Variants in HEXIM1 observed in about 807,000 individuals in gnomAD.
HEXIM1 encodes the protein HEXIM P-TEFb complex subunit 1, also known as protein HEXIM1.
A neutral mutation model predicts 30.3 loss-of-function variants in HEXIM1; 1 was observed. The observed-to-expected ratio is 0.03, with a 90% CI of 0.01 to 0.16. The LOEUF is 0.16. Among genes scored for constraint, HEXIM1 ranks in the 10% least tolerant of loss-of-function variants. HEXIM1 has a pLI of 1.00. For missense variants in HEXIM1, 391 were observed against 476.4 expected, an observed-to-expected ratio of 0.82 and a Z score of 1.67; for synonymous variants, 245 against 208.3, an observed-to-expected ratio of 1.18 and a Z score of -1.52.
chr17:45,150,129 G>C lies in HEXIM1; in HGVS notation c.939G>C (p.Lys313Asn), dbSNP rs1328105652. The C allele has an allele frequency of 8.7e-6, 14 of 1,613,584 alleles. No homozygotes were observed. Among genetic ancestry groups the C allele is most frequent in the Non-Finnish European group, 1.2e-5 (14 of 1,180,056 alleles). The change falls in exon 1 of 1, where the codon AAG (lysine) becomes AAC (asparagine). Residue 313 changes from lysine to asparagine, a missense_variant. By Grantham distance (94) the Lys-to-Asn change is moderately conservative. This residue lies in a region of HEXIM1 where 73 missense variants were observed against 80.9 expected (regional missense o/e 0.90). Coordinates refer to ENST00000332499, the MANE Select transcript of HEXIM1 (RefSeq NM_006460.3). ...ACAACCGGCTGCGGCTGGAGAGCAAGCGGCTGGGTGGCGACGACGCGCGTG... is the reference window on the plus strand; with the variant it reads ...ACAACCGGCTGCGGCTGGAGAGCAACCGGCTGGGTGGCGACGACGCGCGTG... ...DENNRLRLES[K>N]RLGGDDARVR...
rs372695634 is a variant in HEXIM1, at chr17:45,149,327, G to T, written c.137G>T (p.Arg46Met). The change falls in exon 1 of 1, where the codon AGG becomes ATG. Residue 46 changes from arginine (R) to methionine (M), a missense_variant. Around this residue, in one of 5 missense-constraint regions of HEXIM1, gnomAD observed 230 missense variants for 199.4 expected, o/e 1.15. Transcript: ENST00000332499. This position sits in a 1 kb window ranked among gnomAD's most constrained non-coding sequence, Gnocchi z 5.3. ...AEERVPEEDS[R>M]WQSRAFPQLG... ...GAGCGGGTGCCCGAGGAGGACAGTA[G>T]GTGGCAATCGAGAGCGTTCCCCCAG... The T allele has an allele frequency of 1.7e-5, 28 of 1,613,500 alleles. No individual in the cohort carries two copies. Among genetic ancestry groups the T allele is most frequent in the Non-Finnish European group, 2.4e-5 (28 of 1,179,978 alleles).
Position 45,149,343 on chromosome 17 carries a change from G to A in HEXIM1, c.153G>A (p.Ala51=), listed in dbSNP as rs771429350. ...PEEDSRWQSR[A]FPQLGGRPGP... is the part of the protein sequence containing the mutation. ...AGGACAGTAGGTGGCAATCGAGAGCGTTCCCCCAGTTGGGTGGCCGTCCGG... is the reference window on the plus strand; with the variant it reads ...AGGACAGTAGGTGGCAATCGAGAGCATTCCCCCAGTTGGGTGGCCGTCCGG... Residue 51 remains alanine, a synonymous_variant, in exon 1 of 1, where the codon GCG becomes GCA. Transcript: ENST00000332499. The surrounding 1 kb of genome is among the most constrained non-coding windows in gnomAD (Gnocchi z 5.3). 7 of 1,613,398 alleles carry A rather than the reference G, an allele frequency of 4.3e-6. No homozygotes were observed. Among genetic ancestry groups the A allele is most frequent in the South Asian group, 2.2e-5 (2 of 91,090 alleles).
Position 45,149,120 on chromosome 17 carries a change from A to C in HEXIM1, c.-71A>C. The C allele has an allele frequency of 7.7e-7, 1 of 1,306,564 alleles. No homozygotes were observed. The highest frequency in any genetic ancestry group is 1.0e-6 in the Non-Finnish European group (1 of 979,322). The allele number at this position is 1,306,564 out of a possible 1,614,324, so 80.9% of individuals were successfully genotyped here. On this transcript the variant is annotated 5_prime_UTR_variant, in exon 1 of 1. Transcript: ENST00000332499. This position sits in a 1 kb window ranked among gnomAD's most constrained non-coding sequence, Gnocchi z 5.3. ...TTTTTTTTTTCTTTTTCTTTTTTTT[A>C]AGAAAAACCCATTTTTTTCCTTAAG...
rs542048484 is a variant in HEXIM1, at chr17:45,150,325, T to G, written c.*55T>G. The G allele has an allele frequency of 6.4e-7, 1 of 1,564,666 alleles. No individual in the cohort carries two copies. The highest frequency in any genetic ancestry group is 1.2e-5 in the South Asian group (1 of 84,498). On this transcript the variant is annotated 3_prime_UTR_variant, in exon 1 of 1. Coordinates refer to ENST00000332499, the MANE Select transcript of HEXIM1 (RefSeq NM_006460.3). The stretch of plus-strand genomic sequence containing the variant: ...GGGGACTTTTTACAGTGATGGAATG[T>G]AACATTATATACATGTGTATATAAG...
rs867189722 is a variant in HEXIM1, at chr17:45,150,882, G to C, written c.*612G>C. On this transcript the variant is annotated 3_prime_UTR_variant, in exon 1 of 1. Coordinates refer to ENST00000332499, the MANE Select transcript of HEXIM1 (RefSeq NM_006460.3). ...ATGTAATTATCTTCAATACTTAAGT[G>C]TGCTTGCTTTCTAGTGCCTTGGTTT... The C allele has an allele frequency of 1.0e-4, 17 of 167,148 alleles. No individual in the cohort carries two copies. Among genetic ancestry groups the C allele is most frequent in the African/African-American group, 4.1e-4 (17 of 41,546 alleles). The allele number at this position is 167,148 out of a possible 1,614,324, so 10.4% of individuals were successfully genotyped here.
At position 45,148,639 on chromosome 17, in the gene HEXIM1, C is replaced by T. The variant is rs2055522093; in HGVS notation, c.-552C>T. 5.0e-6 allele frequency: 2 copies of T among 399,564 alleles called. No individual in the cohort carries two copies. The allele number at this position is 399,564 out of a possible 1,614,324, so 24.8% of individuals were successfully genotyped here. A position where few individuals can be genotyped will look rare whatever the true frequency, so the allele number is the denominator to read the frequency against. ...CGAGCCAAAGGGGAGATGAGTTTGT[C>T]TGTCCTCTGCTGAGGCTACGGCCGG... On this transcript the variant is annotated 5_prime_UTR_variant, in exon 1 of 1. Coordinates refer to ENST00000332499, the MANE Select transcript of HEXIM1 (RefSeq NM_006460.3).
Position 45,148,523 on chromosome 17 carries a change from G to T in HEXIM1, c.-668G>T, listed in dbSNP as rs752043804. On this transcript the variant is annotated 5_prime_UTR_variant, in exon 1 of 1. Transcript: ENST00000332499. ...AGAGGCAGGTTGGGAGGGAAAGTCG[G>T]GGGAGGACGCGGAAGAGGAGCTGTG... 4.0e-5 allele frequency: 16 copies of T among 399,894 alleles called. No homozygotes were observed. Among genetic ancestry groups the T allele is most frequent in the Non-Finnish European group, 5.7e-5 (13 of 227,048 alleles). The allele number at this position is 399,894 out of a possible 1,614,324, so 24.8% of individuals were successfully genotyped here.
At position 45,149,793 on chromosome 17, in the gene HEXIM1, G is replaced by A. The variant is rs552223740; in HGVS notation, c.603G>A (p.Ala201=). The A allele has an allele frequency of 6.2e-6, 10 of 1,613,856 alleles. No homozygotes were observed. The South Asian group carries it at 9.9e-5, about 16-fold the overall frequency. The part of the protein sequence containing the change: ...AEMFAKGQPV[A]PYNTTQFLMD... ...TGTTCGCCAAGGGCCAGCCGGTCGC[G>A]CCCTATAACACCACGCAGTTCCTCA... The change falls in exon 1 of 1, where the codon GCG becomes GCA. Residue 201 remains alanine, a synonymous_variant. Coordinates refer to ENST00000332499, the MANE Select transcript of HEXIM1 (RefSeq NM_006460.3). This position sits in a 1 kb window ranked among gnomAD's most constrained non-coding sequence, Gnocchi z 5.3.
At position 45,149,273 on chromosome 17, in the gene HEXIM1, T is replaced by C. The variant is rs2055527611; in HGVS notation, c.83T>C (p.Leu28Pro). The change falls in exon 1 of 1, where the codon CTG becomes CCG. Residue 28 changes from leucine (L) to proline (P), a missense_variant. By Grantham distance (98) the Leu-to-Pro change is moderately conservative. Around this residue, in one of 5 missense-constraint regions of HEXIM1, gnomAD observed 230 missense variants for 199.4 expected, o/e 1.15. Transcript: ENST00000332499. This position sits in a 1 kb window ranked among gnomAD's most constrained non-coding sequence, Gnocchi z 5.3. Reference protein sequence around the residue: ...CTGAAAVQEELNPERPPGAEE... With the variant: ...CTGAAAVQEEPNPERPPGAEE... ...GGTGCTGCTGCTGTCCAGGAAGAGCTGAACCCTGAGCGCCCCCCAGGCGCG... is the reference window on the plus strand; with the variant it reads ...GGTGCTGCTGCTGTCCAGGAAGAGCCGAACCCTGAGCGCCCCCCAGGCGCG... The C allele has an allele frequency of 6.2e-7, 1 of 1,613,714 alleles. No individual in the cohort carries two copies. Among genetic ancestry groups the C allele is most frequent in the South Asian group, 1.1e-5 (1 of 91,090 alleles).
Position 45,148,733 on chromosome 17 carries a change from T to C in HEXIM1, c.-458T>C, listed in dbSNP as rs1187856083. 1.5e-5 allele frequency: 6 copies of C among 401,436 alleles called. No homozygotes were observed. The highest frequency in any genetic ancestry group is 6.2e-4 in the Middle Eastern group (1 of 1,614). 24.9% of individuals were successfully genotyped at this position (401,436 alleles called of 1,614,324 possible). On this transcript the variant is annotated 5_prime_UTR_variant, in exon 1 of 1. Coordinates refer to ENST00000332499, the MANE Select transcript of HEXIM1 (RefSeq NM_006460.3). ...GTGGGAGGAGGTGGCGCCGGGACTT[T>C]AACCCCTTGTGGGCTCTGCGGCAGG...
At position 45,149,105 on chromosome 17, in the gene HEXIM1, C is replaced by CT. The variant is rs111687345; in HGVS notation, c.-81dup. On this transcript the variant is annotated 5_prime_UTR_variant, in exon 1 of 1. Coordinates refer to ENST00000332499, the MANE Select transcript of HEXIM1 (RefSeq NM_006460.3). The surrounding 1 kb of genome is among the most constrained non-coding windows in gnomAD (Gnocchi z 5.3). ...GACTCTGTTGGACTGTTTTTTTTTTCTTTTTCTTTTTTTTAAGAAAAACCC... is the reference window on the plus strand; with the variant it reads ...GACTCTGTTGGACTGTTTTTTTTTTCTTTTTTCTTTTTTTTAAGAAAAACCC... The CT allele has an allele frequency of 0.14, 153,230 of 1,124,520 alleles. 4,774 individuals carry two copies. Among genetic ancestry groups the CT allele is most frequent in the Middle Eastern group, 0.19 (755 of 3,928 alleles). The allele number at this position is 1,124,520 out of a possible 1,614,324, so 69.7% of individuals were successfully genotyped here.
rs565641805 is a variant in HEXIM1, at chr17:45,148,644, C to T, written c.-547C>T. On this transcript the variant is annotated 5_prime_UTR_variant, in exon 1 of 1. Coordinates refer to ENST00000332499, the MANE Select transcript of HEXIM1 (RefSeq NM_006460.3). ...CAAAGGGGAGATGAGTTTGTCTGTC[C>T]TCTGCTGAGGCTACGGCCGGGCCTA... is the stretch of plus-strand genomic sequence containing the variant. 2.5e-6 allele frequency: 1 copy of T among 399,982 alleles called. No homozygotes were observed. Among genetic ancestry groups the T allele is most frequent in the South Asian group, 1.2e-4 (1 of 8,180 alleles). The allele number at this position is 399,982 out of a possible 1,614,324, so 24.8% of individuals were successfully genotyped here.
At position 45,149,936 on chromosome 17, in the gene HEXIM1, A is replaced by C; in HGVS notation, c.746A>C (p.Asp249Ala). ...TTCATGGAAGAAGGGGGTGAGGAGG[A>C]TGGGGGCAGCGATGGGATGGGAGGG... The part of the protein sequence containing the change: ...DDFMEEGGEE[D>A]GGSDGMGGDG... Residue 249 changes from aspartate to alanine, a missense_variant, in exon 1 of 1, where the codon GAT (aspartate) becomes GCT (alanine). Around this residue, in one of 5 missense-constraint regions of HEXIM1, gnomAD observed 38 missense variants for 40.0 expected, o/e 0.95. Coordinates refer to ENST00000332499, the MANE Select transcript of HEXIM1 (RefSeq NM_006460.3). This position sits in a 1 kb window ranked among gnomAD's most constrained non-coding sequence, Gnocchi z 5.3. 1 of 1,613,726 alleles carries C rather than the reference A, an allele frequency of 6.2e-7. No homozygotes were observed. The highest frequency in any genetic ancestry group is 8.5e-7 in the Non-Finnish European group (1 of 1,179,972).
In HEXIM1 at chr17:45,150,145, G is replaced by C; in HGVS notation, c.955G>C (p.Asp319His). ...GGAGAGCAAGCGGCTGGGTGGCGACGACGCGCGTGTGCGGGAGCTGGAGCT... is the reference window on the plus strand; with the variant it reads ...GGAGAGCAAGCGGCTGGGTGGCGACCACGCGCGTGTGCGGGAGCTGGAGCT... ...RLESKRLGGDDARVRELELEL... is the reference protein window; with the variant it reads ...RLESKRLGGDHARVRELELEL... The change falls in exon 1 of 1, where the codon GAC (aspartate) becomes CAC (histidine). Residue 319 changes from aspartate (D) to histidine (H), a missense_variant. Asp to His is a moderately conservative substitution (Grantham distance 81). This residue lies in a region of HEXIM1 where 73 missense variants were observed against 80.9 expected (regional missense o/e 0.90). Coordinates refer to ENST00000332499, the MANE Select transcript of HEXIM1 (RefSeq NM_006460.3). The C allele has an allele frequency of 6.2e-7, 1 of 1,613,548 alleles. No individual in the cohort carries two copies. The highest frequency in any genetic ancestry group is 8.5e-7 in the Non-Finnish European group (1 of 1,180,036).
Position 45,151,346 on chromosome 17 carries a change from T to G in HEXIM1, c.*1076T>G, listed in dbSNP as rs936190796. The G allele has an allele frequency of 1.2e-5, 2 of 166,808 alleles. No individual in the cohort carries two copies. The highest frequency in any genetic ancestry group is 2.9e-5 in the Non-Finnish European group (2 of 68,068). 10.3% of individuals were successfully genotyped at this position (166,808 alleles called of 1,614,324 possible). ...ATCCACCTTTCCATGTGGGTCAAAC[T>G]AAAATTAGAAATGTCCCCTCACTGC... On this transcript the variant is annotated 3_prime_UTR_variant, in exon 1 of 1. Transcript: ENST00000332499.
rs1418905469 is a variant in HEXIM1, at chr17:45,148,650, T to C, written c.-541T>C. On this transcript the variant is annotated 5_prime_UTR_variant, in exon 1 of 1. An upstream open reading frame in the 5' UTR loses its in-frame stop. Coordinates refer to ENST00000332499, the MANE Select transcript of HEXIM1 (RefSeq NM_006460.3). ...GGAGATGAGTTTGTCTGTCCTCTGC[T>C]GAGGCTACGGCCGGGCCTAGGGAAC... is the stretch of plus-strand genomic sequence containing the variant. The C allele has an allele frequency of 2.5e-6, 1 of 400,012 alleles. No individual in the cohort carries two copies. Among genetic ancestry groups the C allele is most frequent in the Non-Finnish European group, 4.4e-6 (1 of 226,996 alleles). 24.8% of individuals were successfully genotyped at this position (400,012 alleles called of 1,614,324 possible). A position where few individuals can be genotyped will look rare whatever the true frequency, so the allele number is the denominator to read the frequency against.
Position 45,149,492 on chromosome 17 carries a change from G to C in HEXIM1, c.302G>C (p.Gly101Ala). ...GQNGDDSSAGGDFPPPAEVEP... is the reference protein window; with the variant it reads ...GQNGDDSSAGADFPPPAEVEP... ...AATGGGGACGACTCGTCCGCTGGCGGCGACTTCCCGCCGCCGGCAGAAGTG... is the reference window on the plus strand; with the variant it reads ...AATGGGGACGACTCGTCCGCTGGCGCCGACTTCCCGCCGCCGGCAGAAGTG... Residue 101 changes from glycine to alanine, a missense_variant, in exon 1 of 1, where the codon GGC becomes GCC. Around this residue, in one of 5 missense-constraint regions of HEXIM1, gnomAD observed 230 missense variants for 199.4 expected, o/e 1.15. Transcript: ENST00000332499. The surrounding 1 kb of genome is among the most constrained non-coding windows in gnomAD (Gnocchi z 5.3). 6.2e-7 allele frequency: 1 copy of C among 1,609,880 alleles called. No homozygotes were observed. The highest frequency in any genetic ancestry group is 8.5e-7 in the Non-Finnish European group (1 of 1,178,728).
Position 45,150,154 on chromosome 17 carries a change from G to A in HEXIM1, c.964G>A (p.Val322Met), listed in dbSNP as rs1215631440. ...SKRLGGDDAR[V>M]RELELELDRL... ...GCGGCTGGGTGGCGACGACGCGCGT[G>A]TGCGGGAGCTGGAGCTGGAGCTGGA... Residue 322 changes from valine to methionine, a missense_variant, in exon 1 of 1, where the codon GTG becomes ATG. Val to Met is a conservative substitution (Grantham distance 21). This residue lies in a region of HEXIM1 where 73 missense variants were observed against 80.9 expected (regional missense o/e 0.90). Transcript: ENST00000332499. 9 of 1,613,390 alleles carry A rather than the reference G, an allele frequency of 5.6e-6. No individual in the cohort carries two copies. Among genetic ancestry groups the A allele is most frequent in the Non-Finnish European group, 7.6e-6 (9 of 1,180,040 alleles).
rs1355436127 is a variant in HEXIM1 at position 45,148,782 on chromosome 17, GC to G, written c.-405del. 2 of 403,154 alleles carry G rather than the reference GC, an allele frequency of 5.0e-6. No homozygotes were observed. Among genetic ancestry groups the G allele is most frequent in the Non-Finnish European group, 8.8e-6 (2 of 228,390 alleles). The allele number at this position is 403,154 out of a possible 1,614,324, so 25.0% of individuals were successfully genotyped here. On this transcript the variant is annotated 5_prime_UTR_variant, in exon 1 of 1. Coordinates refer to ENST00000332499, the MANE Select transcript of HEXIM1 (RefSeq NM_006460.3). ...GGGGATTTAACCCTTTGTGGATCTGGCCCCTCGGAGGCAGCGTCATCGGTAG... is the reference window on the plus strand; with the variant it reads ...GGGGATTTAACCCTTTGTGGATCTGGCCCTCGGAGGCAGCGTCATCGGTAG...
Sources: gnomAD v4.1 joint callset for allele counts on GRCh38, gnomAD v4.1.1 for gene constraint, gnomAD v4.1.1 regional missense constraint, Gnocchi (gnomAD v3.1) non-coding constraint, MANE v1.5 for transcripts, NCBI Gene and HGNC (gene_info 2026-07-23, HGNC 2026-07-21) for gene names.